The following PKHD1L1 variants were observed in gnomAD, a reference collection of about 807,000 sequenced individuals.
PKHD1L1 encodes the protein fibrocystin-L.
In PKHD1L1, 434 loss-of-function variants were observed where a neutral mutation model predicts 462.9. That is an observed-to-expected ratio of 0.94 (90% confidence interval 0.87 to 1.02). PKHD1L1 has a LOEUF of 1.02. Ranked by LOEUF, PKHD1L1 falls within the 50% of genes least tolerant of loss-of-function variation. The pLI is 0.00. For synonymous variants in PKHD1L1, 1,781 were observed against 1,750.0 expected (o/e 1.02, Z -0.44); for missense variants, 5,202 against 5,096.1 (o/e 1.02, Z -0.63).
intron 13 of PKHD1L1, among the ~76,000 whole-genome samples, chr8:109,401,126 G>T (rs1813249771): frequency 6.6e-6 from 1 of 152,070 alleles, no homozygotes; most frequent in Non-Finnish European, 1.5e-5. Context: ...ATCTAATTTG[G>T]ATTAAATCTC....
chr8:109,491,111 T>G lies in PKHD1L1; in HGVS notation c.10114+10T>G. On this transcript the variant is annotated intron_variant, in intron 61 of 77. Coordinates refer to ENST00000378402, the MANE Select transcript of PKHD1L1 (RefSeq NM_177531.6). ...TTTACAGTGGGGGAAGGTAATATAATAATATTTTGGTTCAAATTACACATC... is the reference window on the plus strand; with the variant it reads ...TTTACAGTGGGGGAAGGTAATATAAGAATATTTTGGTTCAAATTACACATC... The G allele has an allele frequency of 6.2e-7, 1 of 1,602,882 alleles. No homozygotes were observed. The highest frequency in any genetic ancestry group is 8.5e-7 in the Non-Finnish European group (1 of 1,172,622).
chr8:109,507,072 C>T (rs867075669), intron 68 of PKHD1L1, among the ~76,000 whole-genome samples: 2 of 151,972 alleles, frequency 1.3e-5, no homozygotes, highest in African/African-American at 4.8e-5. Context: ...AAACACAATC[C>T]AAGTTTATCT....
In PKHD1L1 at chr8:109,471,537, A is replaced by G. The variant is rs758843573; in HGVS notation, c.8606-3581A>G. On this transcript the variant is annotated intron_variant, in intron 50 of 77. Transcript: ENST00000378402. ...AGTATTTCCAAGTATTTCATACTGTACACATTTCTTAAAACACATGATACC... is the reference window on the plus strand; with the variant it reads ...AGTATTTCCAAGTATTTCATACTGTGCACATTTCTTAAAACACATGATACC... Among the ~76,000 whole-genome samples, 8 of 152,290 alleles carry G rather than the reference A, an allele frequency of 5.3e-5. No individual in the cohort carries two copies. The South Asian group carries it at 1.2e-3, about 24-fold the overall frequency.
rs764262504 is a variant in PKHD1L1 at position 109,435,181 on chromosome 8, T to A, written c.3341-9T>A. 3.1e-6 allele frequency: 5 copies of A among 1,611,574 alleles called. No homozygotes were observed. Among genetic ancestry groups the A allele is most frequent in the Non-Finnish European group, 8.5e-7 (1 of 1,178,924 alleles). ...ACCATTTTCTTCATCTTTTTCTTTT[T>A]TTCACAAGAAAAAGAGCTCAAGTGC... On this transcript the variant is annotated splice_polypyrimidine_tract_variant and intron_variant, in intron 28 of 77. Transcript: ENST00000378402.
Position 109,531,263 on chromosome 8 carries a change from A to C in PKHD1L1, c.*1173A>C, listed in dbSNP as rs1821034190. Among the ~76,000 whole-genome samples, 1 of 152,178 alleles carries C rather than the reference A, an allele frequency of 6.6e-6. No homozygotes were observed. Among genetic ancestry groups the C allele is most frequent in the African/African-American group, 2.4e-5 (1 of 41,444 alleles). Reference sequence around the variant, plus strand: ...CACTTACCAGGTAGTAAAATCAAATATCTTGGTATAAATGTGGCATTTCAT... The same window carrying C: ...CACTTACCAGGTAGTAAAATCAAATCTCTTGGTATAAATGTGGCATTTCAT... On this transcript the variant is annotated 3_prime_UTR_variant, in exon 78 of 78. Transcript: ENST00000378402.
At chr8:109,373,190 T>A (rs1335154305) in intron 2 of PKHD1L1, among the ~76,000 whole-genome samples, 1 of 152,194 alleles carries the variant, frequency 6.6e-6, no homozygotes, top group Non-Finnish European at 1.5e-5. Flanking sequence ...GAGCCTGTTA[T>A]TGGTCTATTC....
chr8:109,419,982 T>A (rs1814381473), intron 22 of PKHD1L1, among the ~76,000 whole-genome samples: 1 of 152,132 alleles, frequency 6.6e-6, no homozygotes, highest in Non-Finnish European at 1.5e-5. Context: ...CAGACTTACA[T>A]TATGATTGGT....
At chr8:109,402,340 G>C (rs191476168) in intron 14 of PKHD1L1, among the ~76,000 whole-genome samples, 154 of 152,234 alleles carry the variant, frequency 1.0e-3, no homozygotes, top group African/African-American at 3.5e-3. Flanking sequence ...TTTATAGTTG[G>C]CTGAGCGGTT....
chr8:109,434,460 T>G (rs895298974), intron 28 of PKHD1L1, among the ~76,000 whole-genome samples: 1 of 152,006 alleles, frequency 6.6e-6, no homozygotes, highest in Non-Finnish European at 1.5e-5. Context: ...TTTTGTTTTG[T>G]TTTGGTTTCT....
chr8:109,531,779 G>A lies in PKHD1L1; in HGVS notation c.*1689G>A, dbSNP rs1821047222. ...GTCCAGAGAGCATTGATACTTCATT[G>A]TACAGCACCAGGTAACAGAGCACTT... On this transcript the variant is annotated 3_prime_UTR_variant, in exon 78 of 78. Transcript: ENST00000378402. 6.6e-6 allele frequency among the ~76,000 whole-genome samples: 1 copy of A among 152,124 alleles called. No individual in the cohort carries two copies. Among genetic ancestry groups the A allele is most frequent in the Non-Finnish European group, 1.5e-5 (1 of 68,020 alleles).
chr8:109,444,778 G>A lies in PKHD1L1; in HGVS notation c.4909G>A (p.Val1637Ile). 1.9e-6 allele frequency: 3 copies of A among 1,613,978 alleles called. 1 individual carries two copies. The highest frequency in any genetic ancestry group is 2.5e-6 in the Non-Finnish European group (3 of 1,179,864). ...VGIRETVTLT[V>I]YNLGTAINTL... is the part of the protein sequence containing the mutation. ...TATCAGGGAAACTGTCACTTTGACT[G>A]TCTACAACCTGGGCACTGCTATCAA... The change falls in exon 38 of 78, where the codon GTC becomes ATC. Residue 1637 changes from valine to isoleucine, a missense_variant. Around this residue, in one of 3 missense-constraint regions of PKHD1L1, gnomAD observed 4,497 missense variants for 4,336.8 expected, o/e 1.04. Transcript: ENST00000378402.
chr8:109,414,985 TA>T (rs1563751434), intron 21 of PKHD1L1, among the ~76,000 whole-genome samples: 68 of 147,090 alleles, frequency 4.6e-4, no homozygotes, highest in African/African-American at 1.1e-3. Flanking sequence ...TTATTATTAT[TA>T]TTATTATTAT....
At chr8:109,374,759 A>G (rs1023343192) in intron 2 of PKHD1L1, among the ~76,000 whole-genome samples, 13 of 152,202 alleles carry the variant, frequency 8.5e-5, no homozygotes, top group African/African-American at 3.1e-4. Context: ...TTCACTTATG[A>G]AGCTTAGTTT....
rs757873679 is a variant in PKHD1L1, at chr8:109,441,343, A to G, written c.4168A>G (p.Asn1390Asp). ...AAAATGTATTCTTCATTCAACTGGG[A>G]ATATATTCAGGATTACCAACAATGG... ...VIKCILHSTG[N>D]IFRITNNGKD... Residue 1390 changes from asparagine (N) to aspartate (D), a missense_variant, in exon 34 of 78, where the codon AAT (asparagine) becomes GAT (aspartate). Asn to Asp is a conservative substitution (Grantham distance 23). Around this residue, in one of 3 missense-constraint regions of PKHD1L1, gnomAD observed 4,497 missense variants for 4,336.8 expected, o/e 1.04. Transcript: ENST00000378402. 13 of 1,585,098 alleles carry G rather than the reference A, an allele frequency of 8.2e-6. No individual in the cohort carries two copies. In the African/African-American group the frequency reaches 1.6e-4, roughly 20 times the overall value.
rs747036901 is a variant in PKHD1L1 at position 109,445,449 on chromosome 8, C to T, written c.5580C>T (p.Asn1860=). The change falls in exon 38 of 78, where the codon AAC becomes AAT. Residue 1860 remains asparagine, a synonymous_variant. Transcript: ENST00000378402. Reference sequence around the variant, plus strand: ...CAGGAAATGGCTTCTATCCAGGCAACACTACAGTCACTATTGGGGATGAAC... The same window carrying T: ...CAGGAAATGGCTTCTATCCAGGCAATACTACAGTCACTATTGGGGATGAAC... ...VITGNGFYPG[N]TTVTIGDEPC... is the part of the protein sequence containing the mutation. 16 of 1,613,858 alleles carry T rather than the reference C, an allele frequency of 9.9e-6. No individual in the cohort carries two copies. Among genetic ancestry groups the T allele is most frequent in the Middle Eastern group, 3.3e-4 (2 of 6,084 alleles).
intron 23 of PKHD1L1, 134 bp downstream of exon 23, chr8:109,420,824 G>A (rs1586474274): frequency 1.5e-6 from 1 of 674,474 alleles, no homozygotes; most frequent in Non-Finnish European, 2.2e-6. Context: ...AAGATTTGGA[G>A]TATGAAAATT....
At position 109,427,053 on chromosome 8, in the gene PKHD1L1, T is replaced by G; in HGVS notation, c.2897T>G (p.Leu966Arg). Residue 966 changes from leucine (L) to arginine (R), a missense_variant, in exon 25 of 78, where the codon CTG becomes CGG. Leu to Arg is a moderately radical substitution (Grantham distance 102). This residue lies in a region of PKHD1L1 where 4,497 missense variants were observed against 4,336.8 expected (regional missense o/e 1.04). Coordinates refer to ENST00000378402, the MANE Select transcript of PKHD1L1 (RefSeq NM_177531.6). ...GATCTGCAGTTTGCACTCCAGAGTCTGGAGGGAATGGGAAGAATCTCAGTT... is the reference window on the plus strand; with the variant it reads ...GATCTGCAGTTTGCACTCCAGAGTCGGGAGGGAATGGGAAGAATCTCAGTT... ...AADLQFALQS[L>R]EGMGRISVTR... The G allele has an allele frequency of 6.2e-7, 1 of 1,613,862 alleles. No homozygotes were observed. Among genetic ancestry groups the G allele is most frequent in the Admixed American group, 1.7e-5 (1 of 60,020 alleles).
At chr8:109,365,398 G>A (rs1811179696) in intron 2 of PKHD1L1, among the ~76,000 whole-genome samples, 1 of 152,156 alleles carries the variant, frequency 6.6e-6, no homozygotes, top group Non-Finnish European at 1.5e-5. Flanking sequence ...GTTATATAAT[G>A]TAATGTCTTT....
chr8:109,479,371 T>C (rs1275068033), intron 53 of PKHD1L1, among the ~76,000 whole-genome samples, 180 bp from the exon 54 acceptor site: 1 of 152,072 alleles, frequency 6.6e-6, no homozygotes, highest in Non-Finnish European at 1.5e-5. Context: ...CTATATCCTC[T>C]ACCCCTACTC....
Sources: allele counts gnomAD v4.1 joint callset (sites outside exome capture counted in the v4.1 genomes callset), GRCh38; gene constraint gnomAD v4.1.1; regional missense constraint gnomAD v4.1.1; transcripts MANE v1.5; gene names NCBI Gene and HGNC (gene_info 2026-07-23, HGNC 2026-07-21).